Variants in ARHGAP8 observed in about 807,000 individuals in gnomAD.
ARHGAP8 encodes rho GTPase-activating protein 8.
Under a neutral mutation model 46.1 loss-of-function variants are expected in ARHGAP8, and 62 were observed. The observed-to-expected ratio is 1.34, with a 90% CI of 1.10 to 1.66. The LOEUF is 1.66. ARHGAP8 is among the 40% of genes most tolerant of loss of function. The pLI is 0.00. For missense variants in ARHGAP8, 923 were observed against 568.4 expected, an observed-to-expected ratio of 1.62 and a Z score of -6.34; for synonymous variants, 375 against 243.1, an observed-to-expected ratio of 1.54 and a Z score of -5.05.
intron 1 of ARHGAP8, among the ~76,000 whole-genome samples, chr22:44,773,736 C>T (rs774977396): frequency 2.6e-5 from 4 of 152,148 alleles, no homozygotes; most frequent in Non-Finnish European, 4.4e-5. Context: ...GTGTACACCA[C>T]CACATGTAGC....
chr22:44,786,553 G>A lies in ARHGAP8; in HGVS notation c.26G>A (p.Ser9Asn). The A allele has an allele frequency of 6.2e-7, 1 of 1,613,464 alleles. No individual in the cohort carries two copies. The highest frequency in any genetic ancestry group is 8.5e-7 in the Non-Finnish European group (1 of 1,179,726). The change falls in exon 2 of 12, where the codon AGC (serine) becomes AAC (asparagine). Residue 9 changes from serine to asparagine, a missense_variant. Physicochemically the swap from Ser to Asn is conservative, Grantham distance 46. Coordinates refer to ENST00000356099, the MANE Select transcript of ARHGAP8 (RefSeq NM_181335.3). ...ATGGCTGGCCAGGATCCTGCGCTGA[G>A]CACGAGTCACCCGTTCTACGACGTG... MAGQDPAL[S>N]TSHPFYDVAR...
chr22:44,849,386 A>G (rs9614950), intron 10 of ARHGAP8: 26,990 of 338,866 alleles, frequency 0.08, 1,244 homozygotes, highest in African/African-American at 0.098. Flanking sequence ...CCTGCCTGTA[A>G]CCGCTCCCAG....
chr22:44,762,350 C>T (rs1925191727), intron 1 of ARHGAP8, among the ~76,000 whole-genome samples: 3 of 151,946 alleles, frequency 2.0e-5, no homozygotes, highest in South Asian at 2.1e-4. Context: ...GTGGGAGGAT[C>T]GCTTGAGCCC....
chr22:44,754,338 TTGTGTGTGTG>T (rs35257490), intron 1 of ARHGAP8, among the ~76,000 whole-genome samples: 2,278 of 146,616 alleles, frequency 0.016, 44 homozygotes, highest in East Asian at 0.077. Flanking sequence ...CATTGAAACT[TTGTGTGTGTG>T]TGTGTGTGTG....
chr22:44,829,000 C>T (rs1189864315), intron 7 of ARHGAP8, among the ~76,000 whole-genome samples: 4 of 150,814 alleles, frequency 2.7e-5, no homozygotes, highest in South Asian at 4.2e-4. Flanking sequence ...AGCCCGGGTG[C>T]GGTGGCTCAT....
intron 10 of ARHGAP8, among the ~76,000 whole-genome samples, chr22:44,859,121 C>G (rs1321048099): frequency 6.6e-6 from 1 of 152,160 alleles, no homozygotes; most frequent in Non-Finnish European, 1.5e-5. Context: ...GCTTTAGCAG[C>G]TTCCTGGAAG....
rs1602174323 is a variant in ARHGAP8 at position 44,787,049 on chromosome 22, A to G, written c.79+443A>G. Among the ~76,000 whole-genome samples, 3 of 151,428 alleles carry G rather than the reference A, an allele frequency of 2.0e-5. 1 individual carries two copies. In the East Asian group the frequency reaches 5.8e-4, roughly 29 times the overall value. Reference sequence around the variant, plus strand: ...TGTCTCAAAAAAACAAAAAAAAAAAAAAGAAAGAAGTAAAACTAATTGGAA... The same window carrying G: ...TGTCTCAAAAAAACAAAAAAAAAAAGAAGAAAGAAGTAAAACTAATTGGAA... On this transcript the variant is annotated intron_variant, in intron 2 of 11. Transcript: ENST00000356099.
chr22:44,777,658 A>G (rs1044321438), intron 1 of ARHGAP8, among the ~76,000 whole-genome samples: 23 of 151,628 alleles, frequency 1.5e-4, no homozygotes, highest in Admixed American at 1.4e-3. Context: ...CTTGTATTTG[A>G]GCCCACCCAG....
At chr22:44,834,497 T>A (rs949049043) in intron 7 of ARHGAP8, among the ~76,000 whole-genome samples, 2 of 152,168 alleles carry the variant, frequency 1.3e-5, no homozygotes, top group African/African-American at 4.8e-5. Flanking sequence ...TTCTTTCAGA[T>A]GTATGGAGGC....
intron 6 of ARHGAP8, among the ~76,000 whole-genome samples, chr22:44,824,107 A>C (rs1305259656): frequency 6.6e-6 from 1 of 152,186 alleles, no homozygotes; most frequent in Non-Finnish European, 1.5e-5. Context: ...TGCGAGCACC[A>C]GAGGCTGAGA....
rs544336200 is a variant in ARHGAP8 at position 44,856,911 on chromosome 22, CAG to C, written c.878-2818_878-2817del. Among the ~76,000 whole-genome samples the C allele has an allele frequency of 3.4e-4, 48 of 143,122 alleles. 1 individual carries two copies. The highest frequency in any genetic ancestry group is 6.6e-4 in the Non-Finnish European group (44 of 66,498). 93.9% of individuals were successfully genotyped at this position (143,122 alleles called of 152,430 possible). A position where few individuals can be genotyped will look rare whatever the true frequency, so the allele number is the denominator to read the frequency against. On this transcript the variant is annotated intron_variant, in intron 10 of 11. Transcript: ENST00000356099. Reference sequence around the variant, plus strand: ...CACCCTCACACAGTCGCGCTGCAGACAGAAATCTGGGAGGCTGACTTGAGTAA... The same window carrying C: ...CACCCTCACACAGTCGCGCTGCAGACAAATCTGGGAGGCTGACTTGAGTAA...
At chr22:44,830,558 A>T (rs1930874820) in intron 7 of ARHGAP8, among the ~76,000 whole-genome samples, 1 of 151,062 alleles carries the variant, frequency 6.6e-6, no homozygotes, top group Non-Finnish European at 1.5e-5. Flanking sequence ...GTTTTCTGAG[A>T]CAAAGTCTTG....
rs2070388804 is a variant in ARHGAP8 at position 44,859,975 on chromosome 22, A to G, written c.981+141A>G. ...CTCGGAATACCACTCCCTGCCCCCC[A>G]AGGACCTCATCCAAGGCCTGGTCAG... On this transcript the variant is annotated intron_variant, in intron 11 of 11. Transcript: ENST00000356099. 5.8e-6 allele frequency: 6 copies of G among 1,034,720 alleles called. No individual in the cohort carries two copies. In the East Asian group the frequency reaches 1.6e-4, roughly 27 times the overall value. The allele number at this position is 1,034,720 out of a possible 1,614,324, so 64.1% of individuals were successfully genotyped here. A position where few individuals can be genotyped will look rare whatever the true frequency, so the allele number is the denominator to read the frequency against.
At chr22:44,805,196 G>A (rs147298805) in intron 3 of ARHGAP8, among the ~76,000 whole-genome samples, 155 of 152,320 alleles carry the variant, frequency 1.0e-3, no homozygotes, top group African/African-American at 3.5e-3. Flanking sequence ...AGCTCTCCCC[G>A]AGGAGGCTGC....
chr22:44,858,669 C>T (rs1327491307), intron 10 of ARHGAP8, among the ~76,000 whole-genome samples: 1 of 149,650 alleles, frequency 6.7e-6, no homozygotes, highest in Non-Finnish European at 1.5e-5. Context: ...CTGTGCCTGG[C>T]TGGTTGGTGG....
intron 10 of ARHGAP8, among the ~76,000 whole-genome samples, chr22:44,857,426 A>C (rs1016601544): frequency 1.3e-5 from 2 of 152,122 alleles, no homozygotes; most frequent in African/African-American, 4.8e-5. Context: ...TGCTTGGACT[A>C]ACAAAAGACA....
chr22:44,844,267 G>A (rs1468126024), intron 7 of ARHGAP8, among the ~76,000 whole-genome samples: 1 of 152,074 alleles, frequency 6.6e-6, no homozygotes, highest in Non-Finnish European at 1.5e-5. Context: ...ACTGTGCCCG[G>A]CCACATCTAA....
At chr22:44,759,108 G>A (rs775957425) in intron 1 of ARHGAP8, among the ~76,000 whole-genome samples, 7 of 152,198 alleles carry the variant, frequency 4.6e-5, no homozygotes, top group Non-Finnish European at 8.8e-5. Flanking sequence ...AGTGTGGGTG[G>A]AACCAGGCCA....
intron 10 of ARHGAP8, 141 bp from the exon 11 acceptor site, chr22:44,859,590 T>A: frequency 1.2e-6 from 1 of 806,574 alleles, no homozygotes; most frequent in South Asian, 1.5e-5. Context: ...GGCCAGAAGA[T>A]AAGTGGGGGT....
Sources: gnomAD v4.1 joint callset for allele counts (sites outside exome capture counted in the v4.1 genomes callset) on GRCh38, gnomAD v4.1.1 for gene constraint, MANE v1.5 for transcripts, NCBI Gene and HGNC (gene_info 2026-07-23, HGNC 2026-07-21) for gene names.